Variants in AFF2 observed in about 807,000 individuals in gnomAD.
The protein encoded by AFF2 is AF4/FMR2 family member 2.
A neutral mutation model predicts 76.9 loss-of-function variants in AFF2; 14 were observed. The ratio of observed to expected loss-of-function variants is 0.18; its 90% CI spans 0.12 to 0.28. AFF2 has a LOEUF of 0.28. AFF2 is among the 10% of genes least tolerant of loss of function. The probability of loss-of-function intolerance (pLI) is 1.00; values close to 1 mark genes in which losing one functional copy is unlikely to be tolerated. For missense variants in AFF2, 868 were observed against 1,001.1 expected (o/e 0.87, Z 1.79); for synonymous variants, 398 against 366.7 (o/e 1.09, Z -0.98).
chrX:148,589,912 G>T (rs782071799), intron 1 of AFF2, among the ~76,000 whole-genome samples: 1 of 106,965 alleles, frequency 9.3e-6, no homozygotes, highest in African/African-American at 3.4e-5. Context: ...ATGTTTTGAA[G>T]GAAACTCACC....
intron 3 of AFF2, among the ~76,000 whole-genome samples, chrX:148,717,429 A>G: frequency 8.9e-6 from 1 of 112,212 alleles, no homozygotes; most frequent in Non-Finnish European, 1.9e-5. Context: ...ACTGCTTAAT[A>G]TGTAGAGTCT....
chrX:148,857,638 T>A (rs1431268731), intron 7 of AFF2, among the ~76,000 whole-genome samples: 1 of 111,629 alleles, frequency 9.0e-6, no homozygotes, highest in African/African-American at 3.2e-5. Flanking sequence ...TATGTGGATA[T>A]AAATACACTG....
At chrX:148,990,753 A>G (rs903456672) in intron 20 of AFF2, among the ~76,000 whole-genome samples, 2 of 112,228 alleles carry the variant, frequency 1.8e-5, no homozygotes, top group Admixed American at 9.5e-5. Flanking sequence ...GCTGACGGCT[A>G]CTATTAATGT....
chrX:148,577,588 T>C (rs1262716178), intron 1 of AFF2, among the ~76,000 whole-genome samples: 5 of 112,101 alleles, frequency 4.5e-5, no homozygotes, highest in African/African-American at 1.6e-4. Context: ...CAAAGATTTC[T>C]TTTTGTTACT....
intron 1 of AFF2, among the ~76,000 whole-genome samples, chrX:148,566,592 G>T (rs2053173854): frequency 9.0e-6 from 1 of 110,655 alleles, no homozygotes. Flanking sequence ...ATTACTTTAT[G>T]GTGTGGTCCT....
chrX:148,840,487 C>A (rs782481490), intron 5 of AFF2, among the ~76,000 whole-genome samples: 1 of 112,122 alleles, frequency 8.9e-6, no homozygotes, highest in Admixed American at 9.5e-5. Flanking sequence ...GAAAAGTTAG[C>A]TGACCCTTGC....
chrX:148,683,879 TTGGAGGCTTGGGGA>T (rs1261919467), intron 3 of AFF2, among the ~76,000 whole-genome samples: 1 of 111,812 alleles, frequency 8.9e-6, no homozygotes, highest in Non-Finnish European at 1.9e-5. Flanking sequence ...TTTTTTGGCT[TTGGAGGCTTGGGGA>T]ACTATTTAGA....
chrX:148,652,417 C>T (rs1269375120), intron 2 of AFF2, among the ~76,000 whole-genome samples: 1 of 111,486 alleles, frequency 9.0e-6, no homozygotes, highest in Admixed American at 9.5e-5. Flanking sequence ...CAAGGAATGC[C>T]CCCTTGACAC....
At chrX:148,798,526 A>AT (rs1192603509) in intron 3 of AFF2, among the ~76,000 whole-genome samples, 2 of 112,285 alleles carry the variant, frequency 1.8e-5, no homozygotes, top group African/African-American at 6.5e-5. Flanking sequence ...CAAACGCCAA[A>AT]TTTAGAAGTA....
intron 1 of AFF2, among the ~76,000 whole-genome samples, chrX:148,550,930 C>A (rs1557238800): frequency 2.8e-5 from 3 of 108,390 alleles, no homozygotes. Context: ...TTGTGAGGGG[C>A]CATCCTGATT....
chrX:148,530,011 C>T (rs1425856867), intron 1 of AFF2, among the ~76,000 whole-genome samples: 2 of 110,912 alleles, frequency 1.8e-5, no homozygotes, highest in African/African-American at 6.6e-5. Context: ...TCTTGGTGCC[C>T]TGGTTTCCTT....
intron 1 of AFF2, among the ~76,000 whole-genome samples, chrX:148,521,258 A>G (rs1418227977): frequency 2.7e-5 from 3 of 110,620 alleles, no homozygotes; most frequent in Non-Finnish European, 5.7e-5. Context: ...GGACTGGCCA[A>G]TTACAAACCC....
intron 1 of AFF2, among the ~76,000 whole-genome samples, chrX:148,610,443 A>G (rs1557249349): frequency 8.9e-6 from 1 of 112,026 alleles, no homozygotes; most frequent in East Asian, 2.8e-4. Context: ...GATAAAAACC[A>G]AAGTGAAGCA....
chrX:148,874,548 A>G (rs2071014427), intron 7 of AFF2, among the ~76,000 whole-genome samples: 1 of 111,623 alleles, frequency 9.0e-6, no homozygotes. Context: ...ACCCTTTGCT[A>G]TTTCCTTTAC....
intron 1 of AFF2, among the ~76,000 whole-genome samples, chrX:148,650,910 T>A (rs2054196810): frequency 8.9e-6 from 1 of 112,305 alleles, no homozygotes; most frequent in Admixed American, 9.4e-5. Flanking sequence ...AATTAAGTCT[T>A]AACATGGGAC....
chrX:148,514,940 C>T (rs926298587), intron 1 of AFF2, among the ~76,000 whole-genome samples: 1 of 111,772 alleles, frequency 8.9e-6, no homozygotes, highest in Non-Finnish European at 1.9e-5. Context: ...ATACTTATGG[C>T]AGTGTTTTGA....
intron 9 of AFF2, among the ~76,000 whole-genome samples, chrX:148,928,959 G>T (rs2071683163): frequency 8.9e-6 from 1 of 111,992 alleles, no homozygotes; most frequent in Admixed American, 9.5e-5. Flanking sequence ...TTGTGATCTT[G>T]CCAGGTTCCT....
intron 8 of AFF2, among the ~76,000 whole-genome samples, chrX:148,900,839 T>C (rs782053860): frequency 3.6e-5 from 4 of 112,257 alleles, no homozygotes; most frequent in Middle Eastern, 4.2e-3. Flanking sequence ...TTCTATTCAC[T>C]CCAGAACCAC....
At chrX:148,570,170 A>G (rs1388448332) in intron 1 of AFF2, among the ~76,000 whole-genome samples, 1 of 112,160 alleles carries the variant, frequency 8.9e-6, no homozygotes, top group Non-Finnish European at 1.9e-5. Flanking sequence ...CCTACTTTGA[A>G]CCGTACAAGC....
Sources: allele counts gnomAD v4.1 joint callset (sites outside exome capture counted in the v4.1 genomes callset), GRCh38; gene constraint gnomAD v4.1.1; transcripts MANE v1.5; gene names NCBI Gene and HGNC (gene_info 2026-07-23, HGNC 2026-07-21).